Variants in CTPS2 observed in about 807,000 individuals in gnomAD.
CTPS2 encodes CTP synthase II.
A neutral mutation model predicts 46.8 loss-of-function variants in CTPS2; 19 were observed. That is an observed-to-expected ratio of 0.41 (90% confidence interval 0.28 to 0.60). The LOEUF (loss-of-function observed/expected upper bound fraction) is 0.60. CTPS2 is among the 20% of genes least tolerant of loss of function. CTPS2 has a pLI of 0.35. For synonymous variants in CTPS2, 151 were observed against 165.2 expected (o/e 0.91, Z 0.66); for missense variants, 286 against 447.6 (o/e 0.64, Z 3.26).
intron 17 of CTPS2, among the ~76,000 whole-genome samples, chrX:16,597,756 T>C (rs1475212465): frequency 2.7e-4 from 30 of 110,864 alleles, no homozygotes; most frequent in Admixed American, 1.4e-3. Flanking sequence ...TTGATTGGGA[T>C]GGCATTGAAT....
chrX:16,677,060 G>GAAA, intron 10 of CTPS2, among the ~76,000 whole-genome samples: 1 of 69,587 alleles, frequency 1.4e-5, no homozygotes, highest in Admixed American at 1.8e-4. Context: ...CTCTGTCTCG[G>GAAA]AAAAAAAAAA....
chrX:16,595,015 G>A (rs974950372), intron 17 of CTPS2, among the ~76,000 whole-genome samples: 3 of 112,701 alleles, frequency 2.7e-5, no homozygotes, highest in Admixed American at 9.4e-5. Flanking sequence ...CTGCATATGC[G>A]CCGTGAGCGC....
At chrX:16,683,334 G>T in intron 8 of CTPS2, 108 bp from the exon 9 acceptor site, 1 of 813,034 alleles carries the variant, frequency 1.2e-6, no homozygotes, top group Non-Finnish European at 1.8e-6. Flanking sequence ...ATCCTCGGGA[G>T]CAGCTGTAGT....
At chrX:16,686,950 G>A (rs991582861) in intron 8 of CTPS2, among the ~76,000 whole-genome samples, 2 of 110,681 alleles carry the variant, frequency 1.8e-5, no homozygotes, top group Non-Finnish European at 1.9e-5. Context: ...GGACAAGATT[G>A]GAGTGATGTG....
chrX:16,652,204 A>AGT (rs200594572), intron 13 of CTPS2, among the ~76,000 whole-genome samples: 1,939 of 111,793 alleles, frequency 0.017, 44 homozygotes, highest in African/African-American at 0.06. Flanking sequence ...CAAAGGAGAG[A>AGT]GTCATTGTCA....
At chrX:16,608,926 C>T (rs780657329) in intron 17 of CTPS2, among the ~76,000 whole-genome samples, 7 of 111,033 alleles carry the variant, frequency 6.3e-5, no homozygotes, top group African/African-American at 2.0e-4. Context: ...TAGAGGAAAA[C>T]ACAGGGGTTA....
At chrX:16,628,956 G>C (rs1931315256) in intron 14 of CTPS2, among the ~76,000 whole-genome samples, 1 of 112,056 alleles carries the variant, frequency 8.9e-6, no homozygotes, top group African/African-American at 3.2e-5. Context: ...GCCAGGCACT[G>C]TTCTAAGGGC....
chrX:16,674,363 A>G (rs1258683407), intron 10 of CTPS2, among the ~76,000 whole-genome samples: 2 of 109,168 alleles, frequency 1.8e-5, no homozygotes, highest in African/African-American at 3.3e-5. Context: ...GGGTTTCACC[A>G]TGTTAGTCAG....
chrX:16,711,197 G>C (rs1469463702), intron 1 of CTPS2, among the ~76,000 whole-genome samples: 2 of 112,142 alleles, frequency 1.8e-5, no homozygotes, highest in African/African-American at 6.5e-5. Flanking sequence ...ATCAAATGAA[G>C]TTCATGTTAA....
intron 10 of CTPS2, 37 bp from the exon 11 acceptor site, chrX:16,670,711 C>T (rs372521451): frequency 1.4e-5 from 14 of 1,033,412 alleles, no homozygotes; most frequent in Non-Finnish European, 1.9e-5. Context: ...ACTTGACTAT[C>T]CATTTTTTTT....
chrX:16,631,304 T>C (rs1182926028), intron 14 of CTPS2, among the ~76,000 whole-genome samples: 5 of 104,990 alleles, frequency 4.8e-5, no homozygotes, highest in African/African-American at 1.4e-4. Context: ...GCCAAGATCA[T>C]GCCACTGCAC....
At chrX:16,694,061 G>T (rs960811446) in intron 4 of CTPS2, among the ~76,000 whole-genome samples, 2 of 111,181 alleles carry the variant, frequency 1.8e-5, no homozygotes, top group Non-Finnish European at 3.8e-5. Context: ...CTACTCGGGA[G>T]GCTGAGGCAG....
intron 10 of CTPS2, among the ~76,000 whole-genome samples, chrX:16,671,671 C>T (rs181860140): frequency 3.0e-4 from 33 of 108,580 alleles, no homozygotes; most frequent in African/African-American, 1.0e-3. Context: ...CACGCCACCA[C>T]GCCCAGCTAA....
chrX:16,609,462 G>T, intron 17 of CTPS2, 79 bp downstream of exon 17: 1 of 961,619 alleles, frequency 1.0e-6, no homozygotes, highest in Non-Finnish European at 1.5e-6. Context: ...TTCTATAGTG[G>T]TATTAATTTT....
Position 16,683,110 on chromosome X carries a change from T to G in CTPS2, c.989A>C (p.His330Pro). The G allele has an allele frequency of 8.3e-7, 1 of 1,211,493 alleles. No individual in the cohort carries two copies. Among genetic ancestry groups the G allele is most frequent in the Non-Finnish European group, 1.1e-6 (1 of 895,364 alleles). Residue 330 changes from histidine (H) to proline (P), a missense_variant, in exon 9 of 19, where the codon CAC (histidine) becomes CCC (proline). Transcript: ENST00000359276. ...ALEHSALAIN[H>P]KLNLMYIDSI... ...AGGACTCACCATCAGATTCAACTTG[T>G]GGTTGATGGCCAGGGCTGAGTGTTC...
At chrX:16,660,170 C>T (rs1048262109) in intron 13 of CTPS2, among the ~76,000 whole-genome samples, 1 of 110,858 alleles carries the variant, frequency 9.0e-6, no homozygotes, top group African/African-American at 3.3e-5. Context: ...ATTTAGATTC[C>T]CACCAAGAGT....
rs770329663 is a variant in CTPS2 at position 16,624,019 on chromosome X, G to A, written c.1394-3687C>T. ...AGACGGGGTTTCACCGTGTTAGCCA[G>A]GATGGTCTCTATCTCCTGACCTCGT... On this transcript the variant is annotated intron_variant, in intron 14 of 18. Coordinates refer to ENST00000359276, the MANE Select transcript of CTPS2 (RefSeq NM_175859.3). Among the ~76,000 whole-genome samples the A allele has an allele frequency of 5.5e-5, 6 of 108,453 alleles. No homozygotes were observed. The East Asian group carries it at 1.7e-3, about 31-fold the overall frequency. The allele number at this position is 108,453 out of a possible 115,157, so 94.2% of individuals were successfully genotyped here.
At chrX:16,690,439 G>A (rs968158723) in intron 7 of CTPS2, among the ~76,000 whole-genome samples, 2 of 111,220 alleles carry the variant, frequency 1.8e-5, no homozygotes, top group Non-Finnish European at 3.8e-5. Context: ...ATGCAGAAGT[G>A]TCCCTTCAAT....
chrX:16,595,162 T>TACACACACAC (rs10643985), intron 17 of CTPS2, among the ~76,000 whole-genome samples: 8 of 102,703 alleles, frequency 7.8e-5, no homozygotes, highest in African/African-American at 1.8e-4. Flanking sequence ...AGCAATCTTT[T>TACACACACAC]ACACACACAC....
Sources: allele counts gnomAD v4.1 joint callset (sites outside exome capture counted in the v4.1 genomes callset), GRCh38; gene constraint gnomAD v4.1.1; transcripts MANE v1.5; gene names NCBI Gene and HGNC (gene_info 2026-07-23, HGNC 2026-07-21).